GRHL2: variants seen among roughly 807,000 people sequenced by gnomAD.
GRHL2 encodes the protein grainyhead-like protein 2 homolog.
GRHL2 carries 21 observed loss-of-function variants against 83.8 expected under a neutral mutation model. That is an observed-to-expected ratio of 0.25 (90% CI 0.18 to 0.36). The LOEUF (loss-of-function observed/expected upper bound fraction) is 0.36. Among genes scored for constraint, GRHL2 ranks in the 10% least tolerant of loss-of-function variants. The probability of loss-of-function intolerance (pLI) is 1.00; values close to 1 mark genes in which losing one functional copy is unlikely to be tolerated. For missense variants in GRHL2, 623 were observed against 781.8 expected, an observed-to-expected ratio of 0.80 and a Z score of 2.42; for synonymous variants, 280 against 278.9, an observed-to-expected ratio of 1.00 and a Z score of -0.04.
downstream of GRHL2, among the ~76,000 whole-genome samples, chr8:101,672,897 T>A (rs1311035634): frequency 6.6e-6 from 1 of 151,652 alleles, no homozygotes; most frequent in Non-Finnish European, 1.5e-5. Context: ...GGGGCCAATA[T>A]TCAACATTCT....
chr8:101,509,166 CTTTCTT>C (rs1810408156), intron 1 of GRHL2, among the ~76,000 whole-genome samples: 12 of 91,526 alleles, frequency 1.3e-4, no homozygotes, highest in South Asian at 8.7e-4. Context: ...TCCTTTCTTT[CTTTCTT>C]TTTCTTTCTT....
chr8:101,497,355 C>A (rs1810128850), intron 1 of GRHL2, among the ~76,000 whole-genome samples: 1 of 152,224 alleles, frequency 6.6e-6, no homozygotes, highest in Admixed American at 6.5e-5. Flanking sequence ...TCCTCTTGCT[C>A]TTGTTCAGTT....
At chr8:101,536,512 T>C (rs754196330) in intron 1 of GRHL2, among the ~76,000 whole-genome samples, 13 of 152,238 alleles carry the variant, frequency 8.5e-5, no homozygotes, top group African/African-American at 2.4e-4. Context: ...TACATTGGGA[T>C]ACTTCTCCAT....
intron 1 of GRHL2, among the ~76,000 whole-genome samples, chr8:101,509,501 C>T (rs1274373710): frequency 2.0e-5 from 3 of 152,120 alleles, no homozygotes; most frequent in Admixed American, 1.3e-4. Flanking sequence ...AACATTAAAA[C>T]ATGTAGGGCA....
At chr8:101,633,792 G>T (rs556957175) in intron 11 of GRHL2, among the ~76,000 whole-genome samples, 1 of 152,188 alleles carries the variant, frequency 6.6e-6, no homozygotes, top group South Asian at 2.1e-4. Flanking sequence ...TGCCCCATGG[G>T]ATTTTATGGG....
intron 9 of GRHL2, among the ~76,000 whole-genome samples, chr8:101,628,787 T>G (rs568354847): frequency 5.8e-4 from 89 of 152,242 alleles, no homozygotes; most frequent in Non-Finnish European, 1.1e-3. Flanking sequence ...CTTTGAGGTG[T>G]TCAGTACTTC....
intron 4 of GRHL2, among the ~76,000 whole-genome samples, chr8:101,560,203 TG>T (rs1811580164): frequency 1.3e-5 from 2 of 151,666 alleles, no homozygotes; most frequent in Non-Finnish European, 2.9e-5. Flanking sequence ...TGTGTGTGTG[TG>T]TTTTTAGTAG....
chr8:101,566,194 T>C (rs1035985811), intron 4 of GRHL2, among the ~76,000 whole-genome samples: 1 of 152,258 alleles, frequency 6.6e-6, no homozygotes, highest in Non-Finnish European at 1.5e-5. Flanking sequence ...TCTGTCACTT[T>C]GTTAATGTGT....
chr8:101,538,241 A>G (rs1811085119), intron 1 of GRHL2, among the ~76,000 whole-genome samples: 1 of 152,164 alleles, frequency 6.6e-6, no homozygotes, highest in South Asian at 2.1e-4. Flanking sequence ...GCATTCCTGC[A>G]TTTGACTGCT....
At chr8:101,568,669 T>C (rs893328733) in intron 4 of GRHL2, among the ~76,000 whole-genome samples, 13 of 152,212 alleles carry the variant, frequency 8.5e-5, no homozygotes, top group African/African-American at 3.1e-4. Flanking sequence ...ATATATAATT[T>C]TGTGTTTCTT....
intron 2 of GRHL2, among the ~76,000 whole-genome samples, chr8:101,548,849 G>C (rs1331431074): frequency 1.3e-5 from 2 of 152,224 alleles, no homozygotes; most frequent in African/African-American, 4.8e-5. Context: ...CACATCAGGG[G>C]CTCTTGGCAA....
rs200674096 is a variant in GRHL2, at chr8:101,558,677, G to A, written c.543G>A (p.Glu181=). ...PVHYPRGDGE[E]QRVVIFEQTQ... is the part of the protein sequence containing the mutation. ...ACTATCCCCGGGGAGATGGGGAAGA[G>A]CAACGAGTGGTTATCTTTGAACAGA... Residue 181 remains glutamate (E), a synonymous_variant, in exon 4 of 16, where the codon GAG becomes GAA. Transcript: ENST00000646743. 4.1e-4 allele frequency: 665 copies of A among 1,614,056 alleles called. No individual in the cohort carries two copies. Among genetic ancestry groups the A allele is most frequent in the Non-Finnish European group, 5.2e-4 (612 of 1,180,046 alleles).
intron 1 of GRHL2, among the ~76,000 whole-genome samples, chr8:101,522,923 T>A (rs1264191784): frequency 6.6e-6 from 1 of 152,002 alleles, no homozygotes; most frequent in African/African-American, 2.4e-5. Context: ...GTTTCTTTTT[T>A]TTTTTAGATG....
At chr8:101,584,949 A>G (rs555494535) in intron 7 of GRHL2, among the ~76,000 whole-genome samples, 18 of 152,136 alleles carry the variant, frequency 1.2e-4, no homozygotes, top group African/African-American at 3.9e-4. Flanking sequence ...TCAGGTAGTC[A>G]GGTGGTCAGT....
intron 8 of GRHL2, among the ~76,000 whole-genome samples, chr8:101,605,146 G>C (rs1330073434): frequency 6.6e-6 from 1 of 152,174 alleles, no homozygotes; most frequent in African/African-American, 2.4e-5. Flanking sequence ...TAAGGCATCT[G>C]TTTTTATCTC....
chr8:101,643,317 G>C (rs1193604527), intron 12 of GRHL2, among the ~76,000 whole-genome samples: 1 of 148,542 alleles, frequency 6.7e-6, no homozygotes, highest in Non-Finnish European at 1.5e-5. Flanking sequence ...ATTCCATTCG[G>C]GGACATTTTC....
chr8:101,545,429 G>GA (rs1327532670), intron 2 of GRHL2, among the ~76,000 whole-genome samples: 1 of 109,832 alleles, frequency 9.1e-6, no homozygotes, highest in Non-Finnish European at 1.7e-5. Context: ...TCTCTACAGT[G>GA]AAGGGGAATT....
At chr8:101,672,268 G>T (rs942381597), downstream of GRHL2, among the ~76,000 whole-genome samples, 3 of 151,626 alleles carry the variant, frequency 2.0e-5, no homozygotes, top group Non-Finnish European at 4.4e-5. Flanking sequence ...GCTACAGGAG[G>T]AAATTCAAAC....
At position 101,610,613 on chromosome 8, in the gene GRHL2, TTTCA is replaced by T. The variant is rs371544560; in HGVS notation, c.1099-8924_1099-8921del. On this transcript the variant is annotated intron_variant, in intron 8 of 15. Coordinates refer to ENST00000646743, the MANE Select transcript of GRHL2 (RefSeq NM_024915.4). ...GACACTCTACCGTTTAAAAGTATTA[TTTCA>T]TATAAGTGTCACAGTACCAACGTAG... is the stretch of plus-strand genomic sequence containing the variant. Among the ~76,000 whole-genome samples, 851 of 151,014 alleles carry T rather than the reference TTTCA, an allele frequency of 5.6e-3. 14 individuals carry two copies. The highest frequency in any genetic ancestry group is 0.021 in the Middle Eastern group (6 of 290).
Sources: allele counts gnomAD v4.1 joint callset (sites outside exome capture counted in the v4.1 genomes callset), GRCh38; gene constraint gnomAD v4.1.1; transcripts MANE v1.5; gene names NCBI Gene and HGNC (gene_info 2026-07-23, HGNC 2026-07-21).